Variants in VPS8 observed in about 807,000 individuals in gnomAD.
The protein encoded by VPS8 is VPS8 subunit of CORVET complex, also known as vacuolar protein sorting-associated protein 8 homolog.
VPS8 carries 129 observed loss-of-function variants against 216.4 expected under a neutral mutation model. The observed-to-expected ratio is 0.60, with a 90% CI of 0.52 to 0.69. The LOEUF is 0.69. Among genes scored for constraint, VPS8 ranks in the 30% least tolerant of loss-of-function variants. The probability of loss-of-function intolerance (pLI) is 0.00; values close to 1 mark genes in which losing one functional copy is unlikely to be tolerated. For missense variants in VPS8, 1,531 were observed against 1,683.5 expected, an observed-to-expected ratio of 0.91 and a Z score of 1.59; for synonymous variants, 571 against 565.4, an observed-to-expected ratio of 1.01 and a Z score of -0.14.
At chr3:185,045,876 G>A (rs1394066957) in intron 46 of VPS8, among the ~76,000 whole-genome samples, 1 of 151,986 alleles carries the variant, frequency 6.6e-6, no homozygotes, top group Non-Finnish European at 1.5e-5. Flanking sequence ...GAGTCACTGA[G>A]CTTTGCAATG....
intron 45 of VPS8, among the ~76,000 whole-genome samples, chr3:185,017,222 T>A (rs181114135): frequency 6.6e-6 from 1 of 152,266 alleles, no homozygotes; most frequent in African/African-American, 2.4e-5. Flanking sequence ...TTGATAATAC[T>A]TCAGGGGCTT....
At chr3:185,002,897 C>G (rs1753604365) in intron 45 of VPS8, among the ~76,000 whole-genome samples, 1 of 152,144 alleles carries the variant, frequency 6.6e-6, no homozygotes, top group Non-Finnish European at 1.5e-5. Flanking sequence ...GCAAATTGTG[C>G]TGCTATAAAC....
intron 37 of VPS8, among the ~76,000 whole-genome samples, chr3:184,961,190 T>C (rs1576991633): frequency 6.6e-6 from 1 of 152,130 alleles, no homozygotes; most frequent in East Asian, 1.9e-4. Context: ...TCTCTTCCCT[T>C]ATTTTCTCTT....
chr3:184,964,389 T>A (rs928578811), intron 37 of VPS8, 79 bp from the exon 38 acceptor site: 1 of 845,726 alleles, frequency 1.2e-6, no homozygotes, highest in Non-Finnish European at 1.7e-6. Context: ...ATCATATGAG[T>A]TTTTTCATCC....
At chr3:184,898,097 G>C (rs1030191856) in intron 23 of VPS8, among the ~76,000 whole-genome samples, 4 of 151,998 alleles carry the variant, frequency 2.6e-5, no homozygotes, top group Middle Eastern at 3.4e-3. Context: ...TTGTGTAATT[G>C]AGTATCTTCC....
chr3:184,815,138 ATACCTCC>A (rs747734120), intron 1 of VPS8, among the ~76,000 whole-genome samples: 41 of 152,348 alleles, frequency 2.7e-4, no homozygotes, highest in Non-Finnish European at 4.9e-4. Context: ...GCCTTCTGGA[ATACCTCC>A]TGAAGGACCT....
At chr3:184,848,482 T>C (rs1335184945) in intron 8 of VPS8, among the ~76,000 whole-genome samples, 5 of 151,780 alleles carry the variant, frequency 3.3e-5, no homozygotes, top group African/African-American at 1.2e-4. Context: ...TTTAAGGAGA[T>C]ACAGATTACA....
chr3:184,846,221 A>C (rs1723096668), intron 8 of VPS8, among the ~76,000 whole-genome samples: 1 of 152,336 alleles, frequency 6.6e-6, no homozygotes, highest in Non-Finnish European at 1.5e-5. Context: ...ATTGTAAAAA[A>C]TCCAGAAAAA....
intron 36 of VPS8, among the ~76,000 whole-genome samples, chr3:184,942,966 C>T (rs534331153): frequency 2.0e-5 from 3 of 152,098 alleles, no homozygotes; most frequent in Non-Finnish European, 4.4e-5. Context: ...CCCTTTCTTG[C>T]TTTGAGAGTG....
In VPS8 at chr3:184,853,248, C is replaced by T. The variant is rs116459562; in HGVS notation, c.822-609C>T. 6.4e-3 allele frequency among the ~76,000 whole-genome samples: 979 copies of T among 152,246 alleles called. 10 individuals are homozygous for T. The highest frequency in any genetic ancestry group is 0.023 in the African/African-American group (943 of 41,532). ...TTTCTGCTCTAAGAGAACTTACATT[C>T]TAGCTGCAGTAAGGGTAAGGAAACA... On this transcript the variant is annotated intron_variant, in intron 11 of 47. Transcript: ENST00000625842.
chr3:184,844,383 T>C (rs1289286509), intron 8 of VPS8, among the ~76,000 whole-genome samples: 1 of 151,866 alleles, frequency 6.6e-6, no homozygotes, highest in African/African-American at 2.4e-5. Flanking sequence ...ATCGTGCCAC[T>C]GCACTCCAGC....
chr3:184,972,860 T>C (rs1218092686), intron 40 of VPS8, among the ~76,000 whole-genome samples: 1 of 152,266 alleles, frequency 6.6e-6, no homozygotes, highest in African/African-American at 2.4e-5. Flanking sequence ...CTTCCAGGGC[T>C]CAGGCCTCTG....
At chr3:184,860,769 A>G (rs188076855) in intron 15 of VPS8, among the ~76,000 whole-genome samples, 1 of 151,342 alleles carries the variant, frequency 6.6e-6, no homozygotes, top group East Asian at 1.9e-4. Flanking sequence ...TCTTGCGGCT[A>G]AAAACTTTGC....
Position 184,926,623 on chromosome 3 carries a change from T to C in VPS8, c.2604T>C (p.Asp868=). The C allele has an allele frequency of 6.2e-7, 1 of 1,605,532 alleles. No homozygotes were observed. Among genetic ancestry groups the C allele is most frequent in the Non-Finnish European group, 8.5e-7 (1 of 1,175,886 alleles). The part of the protein sequence containing the change: ...QVLEFLCSPD[D]DSRHSERQQV... ...TTGAATTCCTTTGTAGTCCTGACGATGACTCCCGACACTCTGAAAGACAGC... is the reference window on the plus strand; with the variant it reads ...TTGAATTCCTTTGTAGTCCTGACGACGACTCCCGACACTCTGAAAGACAGC... The change falls in exon 31 of 48, where the codon GAT becomes GAC. Residue 868 remains aspartate, a synonymous_variant. Coordinates refer to ENST00000625842, the MANE Select transcript of VPS8 (RefSeq NM_001009921.3).
At chr3:184,849,881 T>G in intron 9 of VPS8, 55 bp from the exon 10 acceptor site, 2 of 1,367,432 alleles carry the variant, frequency 1.5e-6, no homozygotes, top group African/African-American at 2.9e-5. Flanking sequence ...GCAGGATACT[T>G]AAGTCCAAAA....
chr3:184,908,727 G>A (rs1735939620), intron 25 of VPS8, among the ~76,000 whole-genome samples: 1 of 152,186 alleles, frequency 6.6e-6, no homozygotes, highest in Non-Finnish European at 1.5e-5. Flanking sequence ...GGATATGCTG[G>A]CAATTGAAGA....
At chr3:184,882,417 C>A (rs1278008061) in intron 21 of VPS8, 1 of 454,302 alleles carries the variant, frequency 2.2e-6, no homozygotes, top group Non-Finnish European at 4.4e-6. Context: ...CTGGAATAAA[C>A]CTCACTTGGT....
chr3:184,951,886 G>A (rs1244042809), intron 36 of VPS8, among the ~76,000 whole-genome samples: 8 of 152,188 alleles, frequency 5.3e-5, no homozygotes, highest in African/African-American at 1.7e-4. Context: ...TTTCCCATCA[G>A]ACACGTTACT....
At chr3:184,887,425 C>G (rs777135475) in intron 22 of VPS8, among the ~76,000 whole-genome samples, 6 of 150,884 alleles carry the variant, frequency 4.0e-5, no homozygotes, top group Non-Finnish European at 8.8e-5. Flanking sequence ...TTTTTCCACA[C>G]TAATAATGAT....
Sources: allele counts gnomAD v4.1 joint callset (sites outside exome capture counted in the v4.1 genomes callset), GRCh38; gene constraint gnomAD v4.1.1; transcripts MANE v1.5; gene names NCBI Gene and HGNC (gene_info 2026-07-23, HGNC 2026-07-21).